DCLRE1C: variants seen among roughly 807,000 people sequenced by gnomAD.
The protein encoded by DCLRE1C is DNA cross-link repair 1C, also known as protein artemis.
A neutral mutation model predicts 61.4 loss-of-function variants in DCLRE1C; 47 were observed. That is an observed-to-expected ratio of 0.77 (90% CI 0.61 to 0.98). The LOEUF (loss-of-function observed/expected upper bound fraction) is 0.98. DCLRE1C is among the 50% of genes least tolerant of loss of function. The pLI, the probability that DCLRE1C is intolerant of heterozygous loss-of-function variation, is 0.00. For missense variants in DCLRE1C, 858 were observed against 816.0 expected (o/e 1.05, Z -0.63); for synonymous variants, 337 against 287.6 (o/e 1.17, Z -1.74).
chr10:14,949,015 AC>A lies in DCLRE1C; in HGVS notation c.161+20del. On this transcript the variant is annotated intron_variant, in intron 2 of 13. Coordinates refer to ENST00000378278, the MANE Select transcript of DCLRE1C (RefSeq NM_001033855.3). ...TCAATTAAAATGTTTGCTTAAAAACACAAGTAGCAAAATAAATTACCTGCAC... is the reference window on the plus strand; with the variant it reads ...TCAATTAAAATGTTTGCTTAAAAACAAAGTAGCAAAATAAATTACCTGCAC... 1.3e-6 allele frequency: 2 copies of A among 1,577,510 alleles called. No individual in the cohort carries two copies. Among genetic ancestry groups the A allele is most frequent in the Non-Finnish European group, 1.7e-6 (2 of 1,147,470 alleles).
At chr10:14,897,718 G>A (rs150316699) in exon 14 of DCLRE1C, 19 of 379,270 alleles carry the variant, frequency 5.0e-5, no homozygotes, top group Non-Finnish European at 7.3e-5. Context: ...AAAAATATAC[G>A]TTAAAACAAA....
rs1242460661 is a variant in DCLRE1C at position 14,906,225 on chromosome 10, G to T, written c.*2183C>A. 5.3e-5 allele frequency among the ~76,000 whole-genome samples: 8 copies of T among 152,182 alleles called. No individual in the cohort carries two copies. Among genetic ancestry groups the T allele is most frequent in the African/African-American group, 1.9e-4 (8 of 41,440 alleles). ...TCATTTGTACATGGGGATTAGAAAT[G>T]TATCTACCTCAAAGGGTGGTTGTGA... On this transcript the variant is annotated 3_prime_UTR_variant, in exon 14 of 14. Coordinates refer to ENST00000378278, the MANE Select transcript of DCLRE1C (RefSeq NM_001033855.3).
intron 3 of DCLRE1C, among the ~76,000 whole-genome samples, chr10:14,943,560 G>A (rs925791118): frequency 6.6e-6 from 1 of 151,906 alleles, no homozygotes. Flanking sequence ...TAACTTTTTT[G>A]TTTGTTTTTG....
intron 12 of DCLRE1C, among the ~76,000 whole-genome samples, chr10:14,921,702 C>T (rs940205878): frequency 2.0e-5 from 3 of 152,160 alleles, no homozygotes; most frequent in Non-Finnish European, 1.5e-5. Flanking sequence ...GCTTACCCTT[C>T]CCTTTGCTCT....
intron 13 of DCLRE1C, among the ~76,000 whole-genome samples, chr10:14,916,863 C>T (rs1836286171): frequency 6.6e-6 from 1 of 152,096 alleles, no homozygotes; most frequent in Non-Finnish European, 1.5e-5. Context: ...TAAAACAATC[C>T]TCATCAAAAC....
chr10:14,913,154 C>A (rs1388487591), intron 13 of DCLRE1C, among the ~76,000 whole-genome samples: 1 of 152,266 alleles, frequency 6.6e-6, no homozygotes, highest in Non-Finnish European at 1.5e-5. Flanking sequence ...CTGTGCCTGG[C>A]CATATGAGTT....
Position 14,949,008 on chromosome 10 carries a change from TA to T in DCLRE1C, c.161+27del, listed in dbSNP as rs751984137. The T allele has an allele frequency of 3.6e-5, 56 of 1,559,528 alleles. No homozygotes were observed. In the African/African-American group the frequency reaches 6.6e-4, roughly 19 times the overall value. The stretch of plus-strand genomic sequence containing the variant: ...TTATCTCTCAATTAAAATGTTTGCT[TA>T]AAAACACAAGTAGCAAAATAAATTA... On this transcript the variant is annotated intron_variant, in intron 2 of 13. Coordinates refer to ENST00000378278, the MANE Select transcript of DCLRE1C (RefSeq NM_001033855.3).
Position 14,897,687 on chromosome 10 carries a change from TAAA to T in DCLRE1C, c.*1474_*1476del, listed in dbSNP as rs971523561. On this transcript the variant is annotated 3_prime_UTR_variant, in exon 14 of 14. Transcript: ENST00000378289. ...AAGAGTTCACTGGCATATTTAGAAA[TAAA>T]AAACTTTTATATGAATAAAAAATAT... 26 of 519,056 alleles carry T rather than the reference TAAA, an allele frequency of 5.0e-5. No homozygotes were observed. In the Admixed American group the frequency reaches 8.4e-4, roughly 17 times the overall value. 32.2% of individuals were successfully genotyped at this position (519,056 alleles called of 1,614,324 possible). A position where few individuals can be genotyped will look rare whatever the true frequency, so the allele number is the denominator to read the frequency against.
chr10:14,926,101 CAATT>C (rs1417842747), intron 11 of DCLRE1C, among the ~76,000 whole-genome samples: 3 of 152,198 alleles, frequency 2.0e-5, no homozygotes, highest in South Asian at 4.1e-4. Context: ...AACTATGAGT[CAATT>C]AAACCTCTTT....
intron 9 of DCLRE1C, among the ~76,000 whole-genome samples, chr10:14,928,603 G>T (rs537031203): frequency 6.3e-4 from 96 of 152,248 alleles, no homozygotes; most frequent in African/African-American, 2.3e-3. Flanking sequence ...TTGTACTGTG[G>T]TTATATAGGA....
chr10:14,952,628 C>G (rs1420736643), intron 1 of DCLRE1C, among the ~76,000 whole-genome samples: 1 of 151,986 alleles, frequency 6.6e-6, no homozygotes, highest in Non-Finnish European at 1.5e-5. Context: ...TGGTGGCTGA[C>G]TCCTGTAGTC....
chr10:14,923,392 AT>A (rs1251131383), intron 11 of DCLRE1C: 1 of 304,124 alleles, frequency 3.3e-6, no homozygotes, highest in African/African-American at 2.2e-5. Flanking sequence ...CTCTTTTTTA[AT>A]ATATTGCTTT....
chr10:14,945,761 C>T (rs762749528), intron 2 of DCLRE1C, among the ~76,000 whole-genome samples: 25 of 142,504 alleles, frequency 1.8e-4, no homozygotes, highest in African/African-American at 3.4e-4. Flanking sequence ...CAGGTTCAAG[C>T]GATTCTCCTG....
At chr10:14,898,594 T>C (rs1291329011) in exon 14 of DCLRE1C, 1 of 152,162 alleles carries the variant, frequency 6.6e-6, no homozygotes. Context: ...CAAATTACTC[T>C]TTTTGTTAAC....
chr10:14,919,302 G>A (rs932325210), intron 13 of DCLRE1C, among the ~76,000 whole-genome samples: 1 of 152,118 alleles, frequency 6.6e-6, no homozygotes, highest in Non-Finnish European at 1.5e-5. Flanking sequence ...AAATCCTTCT[G>A]TATAAACACT....
intron 13 of DCLRE1C, among the ~76,000 whole-genome samples, chr10:14,919,537 A>G (rs1449068377): frequency 6.6e-6 from 1 of 152,136 alleles, no homozygotes; most frequent in East Asian, 1.9e-4. Flanking sequence ...ACTTGTTTTA[A>G]CCCAGAGAAG....
At chr10:14,910,247 T>G (rs891073179) in intron 13 of DCLRE1C, among the ~76,000 whole-genome samples, 1 of 152,176 alleles carries the variant, frequency 6.6e-6, no homozygotes, top group African/African-American at 2.4e-5. Context: ...TTCTTAAAGG[T>G]TCAGTGTTAT....
At chr10:14,926,779 T>A (rs1042399049) in intron 11 of DCLRE1C, 64 bp downstream of exon 11, 1 of 1,313,704 alleles carries the variant, frequency 7.6e-7, no homozygotes, top group Admixed American at 1.7e-5. Flanking sequence ...GGGGACTACC[T>A]GTCAACTACC....
intron 2 of DCLRE1C, among the ~76,000 whole-genome samples, 197 bp downstream of exon 2, chr10:14,948,839 T>C (rs1842058455): frequency 1.3e-5 from 2 of 151,530 alleles, no homozygotes; most frequent in African/African-American, 4.9e-5. Context: ...AAAGTCAGAA[T>C]AGAGGTTACC....
Sources: gnomAD v4.1 joint callset for allele counts (sites outside exome capture counted in the v4.1 genomes callset) on GRCh38, gnomAD v4.1.1 for gene constraint, MANE v1.5 for transcripts, NCBI Gene and HGNC (gene_info 2026-07-23, HGNC 2026-07-21) for gene names.